KANK1: variants seen among roughly 807,000 people sequenced by gnomAD.
KANK1 encodes KN motif and ankyrin repeat domain-containing protein 1.
Under a neutral mutation model 106.2 loss-of-function variants are expected in KANK1, and 109 were observed. That is an observed-to-expected ratio of 1.03 (90% CI 0.88 to 1.20). KANK1 has a LOEUF of 1.20. KANK1 is among the 50% of genes most tolerant of loss of function. The pLI, the probability that KANK1 is intolerant of heterozygous loss-of-function variation, is 0.00. For synonymous variants in KANK1, 873 were observed against 652.2 expected (o/e 1.34, Z -5.16); for missense variants, 2,399 against 1,710.7 (o/e 1.40, Z -7.10).
chr9:655,781 T>A (rs529621999), intron 1 of KANK1, among the ~76,000 whole-genome samples: 1 of 152,356 alleles, frequency 6.6e-6, no homozygotes, highest in East Asian at 1.9e-4. Context: ...ATTTTGCCAT[T>A]AATGACTATT....
rs141298276 is a variant in KANK1 at position 541,575 on chromosome 9, A to T, written c.-84+36821A>T. Among the ~76,000 whole-genome samples the T allele has an allele frequency of 2.5e-3, 380 of 152,306 alleles. 7 individuals carry two copies. The highest frequency in any genetic ancestry group is 9.1e-3 in the African/African-American group (379 of 41,568). On this transcript the variant is annotated intron_variant, in intron 1 of 11. Transcript: ENST00000382297. ...ATTAGCCTGGGCAATGATGTTTTGG[A>T]TATGACCTCAAAAGTATCACAGAAG... is the stretch of plus-strand genomic sequence containing the variant.
intron 3 of KANK1, among the ~76,000 whole-genome samples, chr9:724,630 C>T (rs777347738): frequency 3.9e-5 from 6 of 151,932 alleles, no homozygotes; most frequent in Non-Finnish European, 8.8e-5. Context: ...AGTAAAATCC[C>T]GTCTCTACTA....
intron 8 of KANK1, among the ~76,000 whole-genome samples, chr9:738,835 G>T (rs1490349434): frequency 6.6e-6 from 1 of 152,198 alleles, no homozygotes; most frequent in Admixed American, 6.5e-5. Context: ...TGCGGGCTTG[G>T]CCGGTTTGCA....
chr9:476,259 G>A (rs1352042443), intron 3 of KANK1, among the ~76,000 whole-genome samples: 1 of 152,042 alleles, frequency 6.6e-6, no homozygotes, highest in Non-Finnish European at 1.5e-5. Flanking sequence ...GGTGGCTCAC[G>A]CCTGTAATCC....
At chr9:541,891 C>T (rs2060622197) in intron 1 of KANK1, among the ~76,000 whole-genome samples, 1 of 150,384 alleles carries the variant, frequency 6.6e-6, no homozygotes, top group Admixed American at 6.6e-5. Flanking sequence ...AGATCGAGAC[C>T]ATCCTGGCTA....
rs1354886357 is a variant in KANK1, at chr9:523,658, T to G, written c.-84+18904T>G. 2.6e-5 allele frequency among the ~76,000 whole-genome samples: 4 copies of G among 151,736 alleles called. No individual in the cohort carries two copies. In the South Asian group the frequency reaches 8.3e-4, roughly 32 times the overall value. On this transcript the variant is annotated intron_variant, in intron 1 of 11. Coordinates refer to ENST00000382297, the MANE Select transcript of KANK1 (RefSeq NM_015158.5). ...TCCACAGGTGTCCCTTTTGCCTCCC[T>G]TAGGGCCTTTGCACTGGCTCCTTCC...
intron 1 of KANK1, among the ~76,000 whole-genome samples, chr9:620,765 T>A (rs558251174): frequency 6.6e-6 from 1 of 152,324 alleles, no homozygotes; most frequent in Non-Finnish European, 1.5e-5. Flanking sequence ...AAAACCAATT[T>A]TTAAAAAGCC....
In KANK1 at chr9:730,064, A is replaced by T; in HGVS notation, c.2712A>T (p.Gly904=). The T allele has an allele frequency of 6.2e-7, 1 of 1,614,078 alleles. No homozygotes were observed. Among genetic ancestry groups the T allele is most frequent in the Non-Finnish European group, 8.5e-7 (1 of 1,179,966 alleles). ...TTTTCCTGATAGGCAATTATTTGGG[A>T]TATACCTGTAAGTGTGGGGGCCTTC... ...SLGKITGNYL[G]YTCKCGGLQS... The change falls in exon 4 of 12, where the codon GGA becomes GGT. Residue 904 remains glycine (G), a synonymous_variant. Transcript: ENST00000382297.
chr9:742,352 A>T lies in KANK1; in HGVS notation c.3844A>T (p.Ile1282Phe). 1 of 1,614,042 alleles carries T rather than the reference A, an allele frequency of 6.2e-7. No homozygotes were observed. The highest frequency in any genetic ancestry group is 8.5e-7 in the Non-Finnish European group (1 of 1,179,998). ...MCASEHGHVE[I>F]VKLLLAQPGC... ...TGCCAGCGAGCACGGACACGTGGAG[A>T]TTGTCAAGCTGCTGCTGGCCCAGCC... Residue 1282 changes from isoleucine (I) to phenylalanine (F), a missense_variant, in exon 10 of 12, where the codon ATT becomes TTT. By Grantham distance (21) the Ile-to-Phe change is conservative. Coordinates refer to ENST00000382297, the MANE Select transcript of KANK1 (RefSeq NM_015158.5).
chr9:657,663 A>G (rs1484872122), intron 1 of KANK1, among the ~76,000 whole-genome samples: 3 of 152,098 alleles, frequency 2.0e-5, no homozygotes, highest in Non-Finnish European at 4.4e-5. Flanking sequence ...GTCTCTGGTT[A>G]CAGCTTTTCC....
upstream of KANK1, among the ~76,000 whole-genome samples, chr9:501,545 A>G (rs1587279938): frequency 6.6e-6 from 1 of 152,154 alleles, no homozygotes; most frequent in South Asian, 2.1e-4. Flanking sequence ...GAGCAAATCT[A>G]TTCCAAGAAG....
intron 1 of KANK1, among the ~76,000 whole-genome samples, chr9:648,236 C>T (rs10975570): frequency 0.44 from 64,023 of 147,044 alleles, 17,329 homozygotes; most frequent in African/African-American, 0.76. Flanking sequence ...TCTCTTGACC[C>T]TGTGATCCGC....
chr9:536,650 A>T (rs959319072), intron 1 of KANK1, among the ~76,000 whole-genome samples: 9 of 152,164 alleles, frequency 5.9e-5, no homozygotes, highest in South Asian at 2.1e-4. Context: ...AAGACTTTTT[A>T]AAAAGACTCA....
At position 618,691 on chromosome 9, in the gene KANK1, T is replaced by G. The variant is rs538154931; in HGVS notation, c.-83-58199T>G. Among the ~76,000 whole-genome samples, 3 of 152,290 alleles carry G rather than the reference T, an allele frequency of 2.0e-5. No individual in the cohort carries two copies. In the South Asian group the frequency reaches 6.2e-4, roughly 32 times the overall value. ...AATTATTTTTTTAAATGATGATGAA[T>G]GCCAGGGCTTGCTTTTTTTAAAAAA... is the stretch of plus-strand genomic sequence containing the variant. On this transcript the variant is annotated intron_variant, in intron 1 of 11. Transcript: ENST00000382297.
At chr9:741,400 A>G (rs1247334379) in intron 9 of KANK1, among the ~76,000 whole-genome samples, 1 of 150,192 alleles carries the variant, frequency 6.7e-6, no homozygotes, top group Non-Finnish European at 1.5e-5. Context: ...GCTCACTGCA[A>G]CCACCCCCGG....
chr9:576,726 T>A (rs1262262584), intron 1 of KANK1, among the ~76,000 whole-genome samples: 1 of 152,142 alleles, frequency 6.6e-6, no homozygotes, highest in Admixed American at 6.5e-5. Context: ...GTAATTTTAT[T>A]TCAGGTTTGT....
intron 1 of KANK1, among the ~76,000 whole-genome samples, chr9:506,167 C>G (rs2058748211): frequency 6.6e-6 from 1 of 152,194 alleles, no homozygotes; most frequent in African/African-American, 2.4e-5. Context: ...GTCATTCTTC[C>G]ATCTCCCAGC....
intron 1 of KANK1, among the ~76,000 whole-genome samples, chr9:507,020 A>T (rs1424126452): frequency 6.6e-6 from 1 of 152,218 alleles, no homozygotes; most frequent in East Asian, 1.9e-4. Flanking sequence ...AAGCTATCCA[A>T]ATTATGCAAC....
intron 1 of KANK1, among the ~76,000 whole-genome samples, chr9:585,265 A>G (rs1037163330): frequency 2.6e-5 from 4 of 152,224 alleles, no homozygotes; most frequent in African/African-American, 7.2e-5. Context: ...CCCGCTGTGC[A>G]TCATCCTTGC....
Sources: allele counts gnomAD v4.1 joint callset (sites outside exome capture counted in the v4.1 genomes callset), GRCh38; gene constraint gnomAD v4.1.1; transcripts MANE v1.5; gene names NCBI Gene and HGNC (gene_info 2026-07-23, HGNC 2026-07-21).